The following PKIB variants were observed in gnomAD, a reference collection of about 807,000 sequenced individuals.
PKIB encodes PKI-beta.
PKIB carries 2 observed loss-of-function variants against 4.5 expected under a neutral mutation model. The ratio of observed to expected loss-of-function variants is 0.44; its 90% confidence interval spans 0.18 to 1.39. The LOEUF is 1.39. Ranked by LOEUF, PKIB falls within the 40% of genes most tolerant of loss-of-function variation. PKIB has a pLI of 0.27. For synonymous variants in PKIB, 38 were observed against 36.0 expected (o/e 1.06, Z -0.20); for missense variants, 94 against 92.6 (o/e 1.02, Z -0.06).
At chr6:122,698,869 T>C (rs1778683963) in intron 3 of PKIB, among the ~76,000 whole-genome samples, 1 of 152,214 alleles carries the variant, frequency 6.6e-6, no homozygotes, top group Non-Finnish European at 1.5e-5. Flanking sequence ...ACCTGTTTTT[T>C]GACAGTATCA....
intron 2 of PKIB, among the ~76,000 whole-genome samples, chr6:122,674,554 A>C (rs1463261438): frequency 1.3e-5 from 2 of 152,204 alleles, no homozygotes; most frequent in African/African-American, 4.8e-5. Flanking sequence ...TTGATTTCCA[A>C]GAGCAAGATG....
intron 2 of PKIB, among the ~76,000 whole-genome samples, chr6:122,537,452 T>G (rs967468109): frequency 6.6e-6 from 1 of 152,162 alleles, no homozygotes; most frequent in African/African-American, 2.4e-5. Flanking sequence ...GTCCTTGTGA[T>G]AGTTTGCTGA....
At chr6:122,719,767 A>G (rs1779658620) in intron 4 of PKIB, among the ~76,000 whole-genome samples, 1 of 147,024 alleles carries the variant, frequency 6.8e-6, no homozygotes, top group African/African-American at 2.5e-5. Flanking sequence ...ACACACACAC[A>G]CAAAGTATGT....
intron 2 of PKIB, among the ~76,000 whole-genome samples, chr6:122,642,656 A>C (rs1305402376): frequency 6.6e-6 from 1 of 152,212 alleles, no homozygotes; most frequent in Non-Finnish European, 1.5e-5. Context: ...TCACTTGTCT[A>C]GTGACTGTCA....
At chr6:122,604,863 A>G (rs1176503900) in intron 3 of PKIB, among the ~76,000 whole-genome samples, 2 of 152,206 alleles carry the variant, frequency 1.3e-5, no homozygotes, top group African/African-American at 2.4e-5. Flanking sequence ...ACACATGACT[A>G]CAATGGTAAT....
At chr6:122,550,767 C>T (rs1772652547) in intron 2 of PKIB, among the ~76,000 whole-genome samples, 1 of 152,172 alleles carries the variant, frequency 6.6e-6, no homozygotes, top group Admixed American at 6.5e-5. Context: ...CTATTTTCTT[C>T]ATCCTGTCTT....
chr6:122,703,922 GTATA>G (rs151131565), intron 3 of PKIB, among the ~76,000 whole-genome samples: 38 of 133,466 alleles, frequency 2.8e-4, no homozygotes, highest in East Asian at 1.5e-3. Flanking sequence ...ATATATGTGT[GTATA>G]TATATATATA....
At chr6:122,594,885 G>C (rs1267002549) in intron 3 of PKIB, among the ~76,000 whole-genome samples, 1 of 152,142 alleles carries the variant, frequency 6.6e-6, no homozygotes, top group Non-Finnish European at 1.5e-5. Context: ...GTAGTAGACT[G>C]ATTTCATCTA....
At chr6:122,625,143 T>C (rs1775382996) in intron 1 of PKIB, among the ~76,000 whole-genome samples, 1 of 152,250 alleles carries the variant, frequency 6.6e-6, no homozygotes, top group African/African-American at 2.4e-5. Flanking sequence ...AAAATGTTTA[T>C]GGTTTTGACT....
intron 2 of PKIB, among the ~76,000 whole-genome samples, chr6:122,651,961 CAG>C (rs1195840723): frequency 6.6e-6 from 1 of 152,120 alleles, no homozygotes; most frequent in Non-Finnish European, 1.5e-5. Context: ...TATGAGTACT[CAG>C]TGGTGATATT....
chr6:122,525,861 T>G (rs966412475), intron 2 of PKIB, among the ~76,000 whole-genome samples: 1 of 152,192 alleles, frequency 6.6e-6, no homozygotes, highest in African/African-American at 2.4e-5. Context: ...TGACTCTTTC[T>G]TTCATAAAAT....
intron 2 of PKIB, among the ~76,000 whole-genome samples, chr6:122,520,722 G>A (rs899457717): frequency 3.8e-5 from 5 of 130,702 alleles, no homozygotes; most frequent in African/African-American, 5.9e-5. Context: ...GTTTCAGACC[G>A]TGAATTTTAA....
chr6:122,582,463 A>G (rs943981305), intron 2 of PKIB, among the ~76,000 whole-genome samples: 1 of 152,124 alleles, frequency 6.6e-6, no homozygotes, highest in African/African-American at 2.4e-5. Flanking sequence ...ATAATGTGAC[A>G]TTAAACATTT....
At chr6:122,590,024 GA>G (rs1345408168) in intron 3 of PKIB, among the ~76,000 whole-genome samples, 2 of 151,950 alleles carry the variant, frequency 1.3e-5, no homozygotes, top group East Asian at 1.9e-4. Flanking sequence ...ATAGAAATCA[GA>G]AAAAAATGAG....
chr6:122,680,286 C>T (rs910341647), intron 3 of PKIB, among the ~76,000 whole-genome samples: 18 of 152,160 alleles, frequency 1.2e-4, no homozygotes, highest in African/African-American at 4.1e-4. Flanking sequence ...TATGATTAGA[C>T]AAAATTGATA....
intron 2 of PKIB, among the ~76,000 whole-genome samples, chr6:122,664,864 G>A (rs1204827317): frequency 6.6e-6 from 1 of 152,106 alleles, no homozygotes; most frequent in African/African-American, 2.4e-5. Context: ...AATTTAGAAT[G>A]CCTAGTAAAC....
intron 1 of PKIB, among the ~76,000 whole-genome samples, chr6:122,617,392 T>A (rs933457455): frequency 3.3e-5 from 5 of 152,314 alleles, no homozygotes; most frequent in African/African-American, 9.6e-5. Context: ...GAGATGCTTG[T>A]GGACTTTTGC....
chr6:122,607,176 C>A (rs1412501945), upstream of PKIB, among the ~76,000 whole-genome samples: 1 of 151,872 alleles, frequency 6.6e-6, no homozygotes, highest in Admixed American at 6.6e-5. Context: ...ACAGGGCCTT[C>A]TTAAAAGTAG....
At chr6:122,580,875 A>G (rs1004149077) in intron 2 of PKIB, among the ~76,000 whole-genome samples, 9 of 152,162 alleles carry the variant, frequency 5.9e-5, no homozygotes, top group African/African-American at 1.9e-4. Context: ...CCTGTGGTCA[A>G]TCTTTTCTTT....
Sources: allele counts gnomAD v4.1 joint callset (sites outside exome capture counted in the v4.1 genomes callset), GRCh38; gene constraint gnomAD v4.1.1; transcripts MANE v1.5; gene names NCBI Gene and HGNC (gene_info 2026-07-23, HGNC 2026-07-21).